Variants in CSMD1 observed in about 807,000 individuals in gnomAD.
CSMD1 encodes CUB and sushi domain-containing protein 1.
CSMD1 carries 213 observed loss-of-function variants against 417.5 expected under a neutral mutation model. The observed-to-expected ratio is 0.51, with a 90% CI of 0.46 to 0.57. CSMD1 has a LOEUF of 0.57. CSMD1 is among the 20% of genes least tolerant of loss of function. The pLI, the probability that CSMD1 is intolerant of heterozygous loss-of-function variation, is 0.00. For missense variants in CSMD1, 6,923 were observed against 4,529.7 expected (o/e 1.53, Z -15.17); for synonymous variants, 2,862 against 1,736.8 (o/e 1.65, Z -16.11).
intron 52 of CSMD1, among the ~76,000 whole-genome samples, chr8:3,006,715 G>T (rs1807937240): frequency 6.6e-6 from 1 of 151,570 alleles, no homozygotes. Context: ...AAACTGGCTA[G>T]CCATATGTAG....
At chr8:4,640,438 G>A (rs1316200487) in intron 1 of CSMD1, among the ~76,000 whole-genome samples, 1 of 152,096 alleles carries the variant, frequency 6.6e-6, no homozygotes, top group Non-Finnish European at 1.5e-5. Flanking sequence ...AATAGCCAGT[G>A]GAACAGAATA....
chr8:4,754,090 G>C (rs939508383), intron 1 of CSMD1, among the ~76,000 whole-genome samples: 3 of 152,062 alleles, frequency 2.0e-5, no homozygotes, highest in Non-Finnish European at 4.4e-5. Context: ...TTAGAAATGT[G>C]AAATATGAAT....
chr8:3,314,888 G>T (rs891418034), intron 23 of CSMD1, among the ~76,000 whole-genome samples: 2 of 152,210 alleles, frequency 1.3e-5, no homozygotes, highest in African/African-American at 4.8e-5. Context: ...ACATTAGGCT[G>T]AACAACGAGC....
chr8:3,178,106 A>G (rs756087076), intron 37 of CSMD1, among the ~76,000 whole-genome samples: 2 of 152,148 alleles, frequency 1.3e-5, no homozygotes, highest in Non-Finnish European at 2.9e-5. Flanking sequence ...AAACCAGAGG[A>G]TTCTGTAAGA....
At chr8:3,412,199 T>G (rs117547482) in intron 12 of CSMD1, among the ~76,000 whole-genome samples, 1 of 121,696 alleles carries the variant, frequency 8.2e-6, no homozygotes, top group Non-Finnish European at 1.7e-5. Context: ...TATACATACA[T>G]ACACACACAC....
chr8:3,632,281 G>A (rs1443755687), intron 7 of CSMD1, among the ~76,000 whole-genome samples: 1 of 152,144 alleles, frequency 6.6e-6, no homozygotes, highest in African/African-American at 2.4e-5. Flanking sequence ...AACAGTGTTG[G>A]TTGGAGGCAT....
At chr8:3,820,625 G>A (rs958617524) in intron 5 of CSMD1, among the ~76,000 whole-genome samples, 1 of 152,146 alleles carries the variant, frequency 6.6e-6, no homozygotes, top group Non-Finnish European at 1.5e-5. Flanking sequence ...GTCCAAGTTG[G>A]AGCGTAGTGG....
At chr8:4,012,403 C>A (rs559028953) in intron 4 of CSMD1, among the ~76,000 whole-genome samples, 5 of 152,180 alleles carry the variant, frequency 3.3e-5, no homozygotes, top group Non-Finnish European at 5.9e-5. Context: ...CAGTTTGCGT[C>A]GCGTGGATTT....
At chr8:4,752,244 T>A (rs910313682) in intron 1 of CSMD1, among the ~76,000 whole-genome samples, 1 of 152,200 alleles carries the variant, frequency 6.6e-6, no homozygotes, top group Non-Finnish European at 1.5e-5. Flanking sequence ...TCTCAGTGTA[T>A]AACTGTGTAC....
chr8:4,779,950 G>T (rs10081540), intron 1 of CSMD1, among the ~76,000 whole-genome samples: 5 of 148,212 alleles, frequency 3.4e-5, no homozygotes, highest in Non-Finnish European at 7.5e-5. Context: ...ACCTTACTTT[G>T]GCCAAATGAT....
At chr8:3,264,027 G>C (rs748673603) in intron 26 of CSMD1, among the ~76,000 whole-genome samples, 2 of 152,170 alleles carry the variant, frequency 1.3e-5, no homozygotes, top group Non-Finnish European at 1.5e-5. Context: ...AGAGACTTCA[G>C]TTTTTTTCAT....
chr8:3,624,901 G>A (rs916613235), intron 7 of CSMD1, among the ~76,000 whole-genome samples: 2 of 152,066 alleles, frequency 1.3e-5, no homozygotes, highest in African/African-American at 4.8e-5. Context: ...TTATATCTCA[G>A]CAAGAATGAA....
rs1189641321 is a variant in CSMD1, at chr8:4,464,396, G to T, written c.303-44331C>A. Among the ~76,000 whole-genome samples the T allele has an allele frequency of 2.6e-5, 4 of 152,294 alleles. No individual in the cohort carries two copies. The East Asian group carries it at 7.7e-4, about 29-fold the overall frequency. On this transcript the variant is annotated intron_variant, in intron 2 of 69. Transcript: ENST00000635120. ...AAAATGCATTTAATATACCTAACCT[G>T]CAAAACATTGTAGCTTAGCCTTGCC...
chr8:4,461,822 G>A (rs1033990021), intron 2 of CSMD1, among the ~76,000 whole-genome samples: 4 of 148,072 alleles, frequency 2.7e-5, no homozygotes, highest in East Asian at 4.0e-4. Context: ...CTCACTGCAA[G>A]CTCCACCTAC....
At chr8:2,943,879 T>A (rs916934343) in intron 68 of CSMD1, among the ~76,000 whole-genome samples, 1 of 152,212 alleles carries the variant, frequency 6.6e-6, no homozygotes, top group African/African-American at 2.4e-5. Context: ...AAATGTCAGA[T>A]TCAAAGAGAT....
chr8:3,228,120 T>C lies in CSMD1; in HGVS notation c.4345+1920A>G, dbSNP rs866866661. ...ACATAATTATGAAATCATTTATAAATGTCTATATTAATTGTAATTGTCTCC... is the reference window on the plus strand; with the variant it reads ...ACATAATTATGAAATCATTTATAAACGTCTATATTAATTGTAATTGTCTCC... On this transcript the variant is annotated intron_variant, in intron 27 of 69. Transcript: ENST00000635120. Among the ~76,000 whole-genome samples the C allele has an allele frequency of 2.0e-5, 3 of 152,354 alleles. No individual in the cohort carries two copies. The South Asian group carries it at 6.2e-4, about 32-fold the overall frequency.
intron 3 of CSMD1, among the ~76,000 whole-genome samples, chr8:4,181,052 G>C (rs948693144): frequency 6.6e-5 from 10 of 152,062 alleles, no homozygotes; most frequent in Admixed American, 2.0e-4. Context: ...AAACTAAAGA[G>C]TCTCCAAATA....
intron 3 of CSMD1, among the ~76,000 whole-genome samples, chr8:4,054,071 T>A (rs1798569768): frequency 6.6e-6 from 1 of 152,110 alleles, no homozygotes; most frequent in South Asian, 2.1e-4. Context: ...TACTCCTATC[T>A]CTCTCTGTCG....
At chr8:4,320,151 C>G (rs1799185636) in intron 3 of CSMD1, among the ~76,000 whole-genome samples, 1 of 152,122 alleles carries the variant, frequency 6.6e-6, no homozygotes, top group Non-Finnish European at 1.5e-5. Context: ...AAGCACAAAA[C>G]TTTATTTAGA....
Sources: allele counts gnomAD v4.1 joint callset (sites outside exome capture counted in the v4.1 genomes callset), GRCh38; gene constraint gnomAD v4.1.1; transcripts MANE v1.5; gene names NCBI Gene and HGNC (gene_info 2026-07-23, HGNC 2026-07-21).